Variants in PPP2R2C observed in about 807,000 individuals in gnomAD.
PPP2R2C encodes the protein protein phosphatase 2, regulatory subunit B, gamma.
Under a neutral mutation model 45.3 loss-of-function variants are expected in PPP2R2C, and 10 were observed. The observed-to-expected ratio is 0.22, with a 90% CI of 0.14 to 0.37. The LOEUF (loss-of-function observed/expected upper bound fraction) is 0.37. Ranked by LOEUF, PPP2R2C falls within the 10% of genes least tolerant of loss-of-function variation. PPP2R2C has a pLI of 1.00. For missense variants in PPP2R2C, 308 were observed against 619.7 expected (o/e 0.50, Z 5.34); for synonymous variants, 257 against 245.4 (o/e 1.05, Z -0.44).
intron 2 of PPP2R2C, among the ~76,000 whole-genome samples, chr4:6,511,654 A>T (rs1320848040): frequency 2.4e-4 from 1 of 4,090 alleles, no homozygotes; most frequent in African/African-American, 1.4e-3. Context: ...GGTGGTGGTG[A>T]TGGTGGTGGT....
chr4:6,476,526 G>A (rs1722148892), upstream of PPP2R2C, among the ~76,000 whole-genome samples: 1 of 152,122 alleles, frequency 6.6e-6, no homozygotes, highest in Non-Finnish European at 1.5e-5. Context: ...CACAAATCAG[G>A]AAGCCCTCAT....
intron 1 of PPP2R2C, among the ~76,000 whole-genome samples, chr4:6,562,057 T>C (rs1725594387): frequency 6.6e-6 from 1 of 152,050 alleles, no homozygotes; most frequent in African/African-American, 2.4e-5. Flanking sequence ...AGAGAAGGCA[T>C]CCCAGGTGGG....
chr4:6,396,471 G>A (rs1188956399), intron 1 of PPP2R2C, among the ~76,000 whole-genome samples: 1 of 152,198 alleles, frequency 6.6e-6, no homozygotes, highest in Non-Finnish European at 1.5e-5. Flanking sequence ...TGCTGCCCAT[G>A]GGTTATCGGG....
At chr4:6,360,292 C>A (rs1713609176) in intron 5 of PPP2R2C, among the ~76,000 whole-genome samples, 1 of 152,252 alleles carries the variant, frequency 6.6e-6, no homozygotes, top group Non-Finnish European at 1.5e-5. Context: ...AACGCATTTC[C>A]ACACCATCTG....
At chr4:6,437,307 A>G (rs1719940348) in intron 1 of PPP2R2C, among the ~76,000 whole-genome samples, 1 of 152,246 alleles carries the variant, frequency 6.6e-6, no homozygotes, top group African/African-American at 2.4e-5. Flanking sequence ...GAACACAAGA[A>G]ATACAACTGT....
chr4:6,333,833 T>C, intron 6 of PPP2R2C, 102 bp from the exon 7 acceptor site: 2 of 1,235,782 alleles, frequency 1.6e-6, no homozygotes, highest in East Asian at 4.7e-5. Context: ...GCTCTGTTTA[T>C]TCAGTCATTC....
chr4:6,381,725 C>T (rs936017742), intron 1 of PPP2R2C: 1 of 1,578,376 alleles, frequency 6.3e-7, no homozygotes, highest in African/African-American at 1.4e-5. Flanking sequence ...TCATCCCAAC[C>T]ATGTTTCTTC....
intron 1 of PPP2R2C, among the ~76,000 whole-genome samples, chr4:6,417,312 C>A (rs1718656122): frequency 6.6e-6 from 1 of 152,246 alleles, no homozygotes; most frequent in South Asian, 2.1e-4. Context: ...GGGATTTTCA[C>A]AGGGACCCAC....
intron 5 of PPP2R2C, among the ~76,000 whole-genome samples, chr4:6,362,497 A>C (rs999788704): frequency 2.6e-5 from 4 of 152,240 alleles, no homozygotes; most frequent in Non-Finnish European, 4.4e-5. Context: ...TCATAGCAAA[A>C]CAACCTCCCA....
chr4:6,504,935 C>CT (rs1723171989), intron 2 of PPP2R2C, among the ~76,000 whole-genome samples: 1 of 152,020 alleles, frequency 6.6e-6, no homozygotes, highest in African/African-American at 2.4e-5. Context: ...ATTTCCAGAT[C>CT]CAAGAAGTTC....
intron 1 of PPP2R2C, among the ~76,000 whole-genome samples, chr4:6,435,335 A>C (rs1187999375): frequency 6.6e-6 from 1 of 152,140 alleles, no homozygotes; most frequent in African/African-American, 2.4e-5. Flanking sequence ...TGTGGAGCTC[A>C]TCATATCAGG....
chr4:6,459,586 T>C (rs1038957700), intron 1 of PPP2R2C, among the ~76,000 whole-genome samples: 2 of 152,122 alleles, frequency 1.3e-5, no homozygotes, highest in African/African-American at 4.8e-5. Flanking sequence ...AAACTTACAA[T>C]TGAATATATG....
chr4:6,541,692 C>T (rs1381557352), intron 1 of PPP2R2C, among the ~76,000 whole-genome samples: 1 of 152,146 alleles, frequency 6.6e-6, no homozygotes, highest in Non-Finnish European at 1.5e-5. Context: ...ATTACAGACA[C>T]CTGCCATCAC....
chr4:6,451,082 G>T (rs1207829700), intron 1 of PPP2R2C, among the ~76,000 whole-genome samples: 2 of 152,210 alleles, frequency 1.3e-5, no homozygotes, highest in African/African-American at 4.8e-5. Context: ...AAGCTGGTCA[G>T]GCGATGCTCT....
intron 5 of PPP2R2C, among the ~76,000 whole-genome samples, chr4:6,355,344 C>A (rs1249191469): frequency 1.3e-5 from 2 of 151,938 alleles, no homozygotes; most frequent in Non-Finnish European, 1.5e-5. Context: ...GTGTGATATT[C>A]CCCTTCCTGT....
chr4:6,394,652 A>C (rs1043853301), intron 1 of PPP2R2C, among the ~76,000 whole-genome samples: 1 of 152,196 alleles, frequency 6.6e-6, no homozygotes, highest in Non-Finnish European at 1.5e-5. Flanking sequence ...GATGGGGGGC[A>C]TGGAGGCCTG....
chr4:6,375,712 C>A, intron 4 of PPP2R2C, 107 bp downstream of exon 4: 1 of 960,180 alleles, frequency 1.0e-6, no homozygotes, highest in Non-Finnish European at 1.6e-6. Context: ...GCAGCCCAAC[C>A]AGGGTCTGCA....
chr4:6,393,642 C>T (rs1339368017), intron 1 of PPP2R2C, among the ~76,000 whole-genome samples: 1 of 152,210 alleles, frequency 6.6e-6, no homozygotes, highest in Non-Finnish European at 1.5e-5. Flanking sequence ...CACTGCCCCT[C>T]CCATGGGCAG....
rs746602329 is a variant in PPP2R2C, at chr4:6,511,514, T to G, written c.49+23757A>C. 5.4e-5 allele frequency among the ~76,000 whole-genome samples: 2 copies of G among 37,304 alleles called. 1 individual carries two copies. Among genetic ancestry groups the G allele is most frequent in the Non-Finnish European group, 1.4e-4 (2 of 14,694 alleles). 24.5% of individuals were successfully genotyped at this position (37,304 alleles called of 152,430 possible). A position where few individuals can be genotyped will look rare whatever the true frequency, so the allele number is the denominator to read the frequency against. Reference sequence around the variant, plus strand: ...GTGGTGATGGCGGTGATGGTGGTGGTGGTGGTGGTGATGGTGGTGGTGGTG... The same window carrying G: ...GTGGTGATGGCGGTGATGGTGGTGGGGGTGGTGGTGATGGTGGTGGTGGTG... On this transcript the variant is annotated intron_variant, in intron 2 of 9. Transcript: ENST00000506140.
Sources: allele counts gnomAD v4.1 joint callset (sites outside exome capture counted in the v4.1 genomes callset), GRCh38; gene constraint gnomAD v4.1.1; transcripts MANE v1.5; gene names NCBI Gene and HGNC (gene_info 2026-07-23, HGNC 2026-07-21).